Variants in MDH1 observed in about 807,000 individuals in gnomAD.
The protein encoded by MDH1 is malate dehydrogenase 1.
A neutral mutation model predicts 38.7 loss-of-function variants in MDH1; 15 were observed. The observed-to-expected ratio is 0.39, with a 90% CI of 0.26 to 0.60. The LOEUF is 0.60. Ranked by LOEUF, MDH1 falls within the 20% of genes least tolerant of loss-of-function variation. The pLI is 0.56. For synonymous variants in MDH1, 144 were observed against 143.6 expected (o/e 1.00, Z -0.02); for missense variants, 368 against 405.2 (o/e 0.91, Z 0.79).
chr2:63,597,110 A>G (rs1378808194), intron 3 of MDH1, among the ~76,000 whole-genome samples: 1 of 152,248 alleles, frequency 6.6e-6, no homozygotes, highest in Admixed American at 6.5e-5. Flanking sequence ...TCACTTCAAA[A>G]GTCATCATTA....
At position 63,589,005 on chromosome 2, in the gene MDH1, A is replaced by T; in HGVS notation, c.-39A>T. 1 of 1,614,130 alleles carries T rather than the reference A, an allele frequency of 6.2e-7. No individual in the cohort carries two copies. Among genetic ancestry groups the T allele is most frequent in the Non-Finnish European group, 8.5e-7 (1 of 1,180,010 alleles). ...GAGGTGACCTGACTCTCTGAGGCTC[A>T]TTTTGCAGTTGTTGAAATTGTCCCC... On this transcript the variant is annotated 5_prime_UTR_variant, in exon 1 of 9. Transcript: ENST00000233114.
intron 1 of MDH1, 197 bp from the exon 2 acceptor site, chr2:63,594,291 G>T (rs1227842292): frequency 1.5e-6 from 1 of 683,370 alleles, no homozygotes; most frequent in South Asian, 1.4e-5. Flanking sequence ...AACACTTTTA[G>T]CTCCCTACAT....
In MDH1 at chr2:63,605,386, C is replaced by T; in HGVS notation, c.782C>T (p.Thr261Ile). Reference protein sequence around the residue: ...CDHVRDIWFGTPEGEFVSMGV... With the variant: ...CDHVRDIWFGIPEGEFVSMGV... ...CACGTCAGGGACATCTGGTTTGGAA[C>T]CCCAGAGGTAAGGATTTAGTGATTT... The change falls in exon 7 of 9, where the codon ACC (threonine) becomes ATC (isoleucine). Residue 261 changes from threonine to isoleucine, a missense_variant. Physicochemically the swap from Thr to Ile is moderately conservative, Grantham distance 89 (BLOSUM62 -1). Coordinates refer to ENST00000233114, the MANE Select transcript of MDH1 (RefSeq NM_005917.4). The T allele has an allele frequency of 5.0e-6, 8 of 1,609,880 alleles. No individual in the cohort carries two copies. Among genetic ancestry groups the T allele is most frequent in the Non-Finnish European group, 6.8e-6 (8 of 1,176,096 alleles).
intron 1 of MDH1, chr2:63,593,562 A>G (rs186707643): frequency 2.1e-5 from 10 of 471,430 alleles, no homozygotes; most frequent in Admixed American, 2.1e-4. Flanking sequence ...GGAAGAAGGA[A>G]CTTTAAGTAA....
At chr2:63,600,043 G>A (rs1205519439) in intron 5 of MDH1, 1 of 152,122 alleles carries the variant, frequency 6.6e-6, no homozygotes, top group Non-Finnish European at 1.5e-5. Context: ...TTGTCTGTAG[G>A]TCATCACTGC....
chr2:63,604,805 A>G lies in MDH1; in HGVS notation c.608A>G (p.Gln203Arg), dbSNP rs1012087599. Residue 203 changes from glutamine to arginine, a missense_variant, in exon 6 of 9, where the codon CAA becomes CGA. Physicochemically the swap from Gln to Arg is conservative, Grantham distance 43 (BLOSUM62 1). Transcript: ENST00000233114. Reference protein sequence around the residue: ...PDVNHAKVKLQGKEVGVYEAL... With the variant: ...PDVNHAKVKLRGKEVGVYEAL... Reference sequence around the variant, plus strand: ...GTCAACCATGCCAAGGTGAAATTGCAAGGAAAGGAAGTTGGTGTTTATGAA... The same window carrying G: ...GTCAACCATGCCAAGGTGAAATTGCGAGGAAAGGAAGTTGGTGTTTATGAA... 8.7e-6 allele frequency: 14 copies of G among 1,614,080 alleles called. No individual in the cohort carries two copies. The African/African-American group carries it at 1.9e-4, about 22-fold the overall frequency.
chr2:63,596,869 G>A (rs554713551), intron 3 of MDH1, among the ~76,000 whole-genome samples: 82 of 152,326 alleles, frequency 5.4e-4, no homozygotes, highest in African/African-American at 1.9e-3. Context: ...TCTTTTGATG[G>A]TGGCGAGTTA....
chr2:63,592,107 A>G (rs1709211143), intron 1 of MDH1, among the ~76,000 whole-genome samples: 1 of 152,112 alleles, frequency 6.6e-6, no homozygotes, highest in Non-Finnish European at 1.5e-5. Context: ...TGTTTCCTTC[A>G]CGTGATTCAC....
chr2:63,605,789 G>C (rs1709515462), intron 7 of MDH1, 150 bp from the exon 8 acceptor site: 9 of 685,044 alleles, frequency 1.3e-5, no homozygotes, highest in Non-Finnish European at 2.3e-5. Flanking sequence ...AAGTTACCTT[G>C]TCACCAGTAC....
intron 5 of MDH1, 125 bp from the exon 6 acceptor site, chr2:63,604,571 A>C: frequency 1.3e-6 from 1 of 747,342 alleles, no homozygotes; most frequent in East Asian, 2.7e-5. Flanking sequence ...AGTCAATATA[A>C]CTCTTGTGTT....
chr2:63,597,241 T>A, intron 3 of MDH1, 158 bp from the exon 4 acceptor site: 3 of 961,036 alleles, frequency 3.1e-6, no homozygotes, highest in Non-Finnish European at 3.7e-6. Context: ...GATTGTTAAA[T>A]TAATATATTA....
chr2:63,603,352 T>A lies in MDH1; in HGVS notation c.499-1344T>A, dbSNP rs530941907. Among the ~76,000 whole-genome samples, 39 of 152,348 alleles carry A rather than the reference T, an allele frequency of 2.6e-4. No individual in the cohort carries two copies. In the South Asian group the frequency reaches 8.1e-3, roughly 32 times the overall value. On this transcript the variant is annotated intron_variant, in intron 5 of 8. Coordinates refer to ENST00000233114, the MANE Select transcript of MDH1 (RefSeq NM_005917.4). ...TCCTTAAAATATCAAAGTGTATTCC[T>A]TTTCTTACATGGTAAATACTCAAAT...
chr2:63,590,752 A>G (rs544965264), intron 1 of MDH1: 1 of 152,212 alleles, frequency 6.6e-6, no homozygotes, highest in African/African-American at 2.4e-5. Flanking sequence ...GCCAGATAAC[A>G]CAGAGACAGA....
intron 1 of MDH1, among the ~76,000 whole-genome samples, chr2:63,592,905 C>G (rs1709226735): frequency 6.6e-6 from 1 of 151,930 alleles, no homozygotes; most frequent in Non-Finnish European, 1.5e-5. Context: ...ATAATTTCTT[C>G]CTGTATTCCC....
At chr2:63,596,181 C>A (rs1355073120) in intron 3 of MDH1, among the ~76,000 whole-genome samples, 1 of 152,090 alleles carries the variant, frequency 6.6e-6, no homozygotes. Flanking sequence ...AAATATTTTT[C>A]TTCAGCTATT....
At chr2:63,606,582 A>G (rs926029770) in intron 8 of MDH1, among the ~76,000 whole-genome samples, 2 of 152,152 alleles carry the variant, frequency 1.3e-5, no homozygotes, top group African/African-American at 2.4e-5. Flanking sequence ...TACAAATAGT[A>G]TATTTCTAAA....
rs762483728 is a variant in MDH1, at chr2:63,604,843, G to T, written c.646G>T (p.Asp216Tyr). 1.2e-6 allele frequency: 2 copies of T among 1,614,154 alleles called. No individual in the cohort carries two copies. Among genetic ancestry groups the T allele is most frequent in the South Asian group, 2.2e-5 (2 of 91,074 alleles). ...EVGVYEALKD[D>Y]SWLKGEFVTT... ...TGGTGTTTATGAAGCTCTGAAAGAT[G>T]ACAGCTGGCTCAAGGGAGAATTTGT... The change falls in exon 6 of 9, where the codon GAC (aspartate) becomes TAC (tyrosine). Residue 216 changes from aspartate to tyrosine, a missense_variant. Physicochemically the swap from Asp to Tyr is radical, Grantham distance 160. Transcript: ENST00000233114.
chr2:63,597,541 A>G lies in MDH1; in HGVS notation c.342A>G (p.Ala114=). ...ANVKIFKSQG[A]ALDKYAKKSV... is the part of the protein sequence containing the mutation. ...TGAAAATCTTCAAATCCCAGGGTGC[A>G]GCCTTAGATAAATACGCCAAGAAGT... Residue 114 remains alanine (A), a synonymous_variant, in exon 4 of 9, where the codon GCA becomes GCG. Transcript: ENST00000233114. 6.9e-7 allele frequency: 1 copy of G among 1,457,982 alleles called. No homozygotes were observed. Among genetic ancestry groups the G allele is most frequent in the Non-Finnish European group, 9.1e-7 (1 of 1,093,754 alleles). 90.3% of individuals were successfully genotyped at this position (1,457,982 alleles called of 1,614,324 possible).
chr2:63,597,479 G>A lies in MDH1; in HGVS notation c.280G>A (p.Glu94Lys). Reference sequence around the variant, plus strand: ...TCTTGTGGGCTCCATGCCAAGAAGGGAAGGCATGGAGAGAAAAGATTTACT... The same window carrying A: ...TCTTGTGGGCTCCATGCCAAGAAGGAAAGGCATGGAGAGAAAAGATTTACT... Reference protein sequence around the residue: ...AILVGSMPRREGMERKDLLKA... With the variant: ...AILVGSMPRRKGMERKDLLKA... The change falls in exon 4 of 9, where the codon GAA (glutamate) becomes AAA (lysine). Residue 94 changes from glutamate (E) to lysine (K), a missense_variant. Transcript: ENST00000233114. 6.6e-7 allele frequency: 1 copy of A among 1,520,284 alleles called. No homozygotes were observed. Among genetic ancestry groups the A allele is most frequent in the Non-Finnish European group, 8.9e-7 (1 of 1,127,132 alleles). 94.2% of individuals were successfully genotyped at this position (1,520,284 alleles called of 1,614,324 possible). A position where few individuals can be genotyped will look rare whatever the true frequency, so the allele number is the denominator to read the frequency against.
Sources: allele counts gnomAD v4.1 joint callset (sites outside exome capture counted in the v4.1 genomes callset), GRCh38; gene constraint gnomAD v4.1.1; transcripts MANE v1.5; gene names NCBI Gene and HGNC (gene_info 2026-07-23, HGNC 2026-07-21).